The following EPB42 variants were observed in gnomAD, a reference collection of about 807,000 sequenced individuals.
The protein encoded by EPB42 is erythrocyte membrane protein band 4.2.
A neutral mutation model predicts 76.9 loss-of-function variants in EPB42; 49 were observed. That is an observed-to-expected ratio of 0.64 (90% confidence interval 0.51 to 0.81). The LOEUF (loss-of-function observed/expected upper bound fraction) is 0.81. Among genes scored for constraint, EPB42 ranks in the 30% least tolerant of loss-of-function variants. EPB42 has a pLI of 0.00. For synonymous variants in EPB42, 310 were observed against 338.4 expected (o/e 0.92, Z 0.92); for missense variants, 731 against 867.6 (o/e 0.84, Z 1.98).
Position 43,210,419 on chromosome 15 carries a change from G to A in EPB42, c.570C>T (p.Asp190=), listed in dbSNP as rs1266250815. ...DFGQFEGDVI[D]LSLRLLSKDK... Reference sequence around the variant, plus strand: ...CCTTGCTCAGCAAGCGCAGGCTGAGGTCAATGACATCCCCCTCGAACTGTT... The same window carrying A: ...CCTTGCTCAGCAAGCGCAGGCTGAGATCAATGACATCCCCCTCGAACTGTT... The change falls in exon 5 of 13, where the codon GAC becomes GAT. Residue 190 remains aspartate, a synonymous_variant. Coordinates refer to ENST00000441366, the MANE Select transcript of EPB42 (RefSeq NM_001114134.2). 24 of 1,613,800 alleles carry A rather than the reference G, an allele frequency of 1.5e-5. No individual in the cohort carries two copies. The highest frequency in any genetic ancestry group is 2.0e-5 in the Non-Finnish European group (24 of 1,179,960).
upstream of EPB42, chr15:43,221,130 G>C (rs151184697): frequency 3.0e-5 from 13 of 426,682 alleles, no homozygotes; most frequent in African/African-American, 2.2e-4. Flanking sequence ...CTGGGGGAGG[G>C]GGTGGGATGG....
intron 4 of EPB42, among the ~76,000 whole-genome samples, chr15:43,210,692 G>C: frequency 6.6e-6 from 1 of 152,198 alleles, no homozygotes; most frequent in East Asian, 1.9e-4. Context: ...ACTCCCGGTA[G>C]GGTGTGAGCT....
chr15:43,220,079 C>T (rs750373754), intron 1 of EPB42, among the ~76,000 whole-genome samples: 2 of 152,048 alleles, frequency 1.3e-5, no homozygotes, highest in African/African-American at 2.4e-5. Flanking sequence ...AGTTGCCCTC[C>T]GCACACCAGA....
At chr15:43,213,453 AC>A (rs767743702) in intron 3 of EPB42, among the ~76,000 whole-genome samples, 1 of 152,090 alleles carries the variant, frequency 6.6e-6, no homozygotes, top group African/African-American at 2.4e-5. Context: ...AGAGACCTCC[AC>A]CCACACTCAG....
chr15:43,221,135 G>C (rs565289162), upstream of EPB42: 54 of 421,042 alleles, frequency 1.3e-4, no homozygotes, highest in African/African-American at 1.1e-3. Context: ...GGAGGGGGTG[G>C]GATGGGGAAG....
At chr15:43,218,650 A>G (rs2142326675) in intron 1 of EPB42, among the ~76,000 whole-genome samples, 1 of 152,358 alleles carries the variant, frequency 6.6e-6, no homozygotes, top group South Asian at 2.1e-4. Flanking sequence ...TGCTCCGTCA[A>G]TGAATGGATG....
chr15:43,215,391 G>A, intron 2 of EPB42, 63 bp from the exon 3 acceptor site: 1 of 1,539,232 alleles, frequency 6.5e-7, no homozygotes, highest in African/African-American at 1.4e-5. Context: ...GAGTAATAAG[G>A]TCAGGGTATT....
At chr15:43,214,762 A>G (rs1370995761) in intron 3 of EPB42, among the ~76,000 whole-genome samples, 1 of 152,048 alleles carries the variant, frequency 6.6e-6, no homozygotes, top group East Asian at 1.9e-4. Flanking sequence ...GCACTGTTAT[A>G]ATGAAGGGCA....
chr15:43,197,560 C>T, intron 12 of EPB42, 96 bp from the exon 13 acceptor site: 4 of 1,416,148 alleles, frequency 2.8e-6, no homozygotes, highest in South Asian at 2.4e-5. Flanking sequence ...AAGAGGTGGA[C>T]CATGCAGAAA....
In EPB42 at chr15:43,215,938, C is replaced by T. The variant is rs187743636; in HGVS notation, c.196+330G>A. 8.5e-4 allele frequency among the ~76,000 whole-genome samples: 130 copies of T among 152,308 alleles called. 3 individuals carry two copies. Among genetic ancestry groups the T allele is most frequent in the East Asian group, 4.8e-3 (25 of 5,182 alleles). ...AACTCCTGACCTCAGGTAATCCACCCGCCTCGGCCTCCCAAAGCGCTGGGA... is the reference window on the plus strand; with the variant it reads ...AACTCCTGACCTCAGGTAATCCACCTGCCTCGGCCTCCCAAAGCGCTGGGA... On this transcript the variant is annotated intron_variant, in intron 2 of 12. Coordinates refer to ENST00000441366, the MANE Select transcript of EPB42 (RefSeq NM_001114134.2).
chr15:43,213,372 T>C (rs1012031156), intron 3 of EPB42, among the ~76,000 whole-genome samples: 1 of 152,158 alleles, frequency 6.6e-6, no homozygotes, highest in Admixed American at 6.5e-5. Flanking sequence ...GACACTGAGA[T>C]GCCAGGGAAT....
In EPB42 at chr15:43,208,681, A is replaced by G. The variant is rs2042244434; in HGVS notation, c.927T>C (p.Asn309=). 6.2e-7 allele frequency: 1 copy of G among 1,614,058 alleles called. No homozygotes were observed. The highest frequency in any genetic ancestry group is 2.2e-5 in the East Asian group (1 of 44,872). Residue 309 remains asparagine, a synonymous_variant, in exon 7 of 13, where the codon AAT becomes AAC. Coordinates refer to ENST00000441366, the MANE Select transcript of EPB42 (RefSeq NM_001114134.2). ...GGRLLIDEYY[N]EEGLQNGEGQ... is the part of the protein sequence containing the mutation. ...CTTCTCCGTTCTGAAGTCCCTCCTCATTATAGTATTCATCTATGAGAAGAC... is the reference window on the plus strand; with the variant it reads ...CTTCTCCGTTCTGAAGTCCCTCCTCGTTATAGTATTCATCTATGAGAAGAC...
At chr15:43,216,522 T>C in intron 1 of EPB42, 69 bp from the exon 2 acceptor site, 1 of 1,554,048 alleles carries the variant, frequency 6.4e-7, no homozygotes, top group Non-Finnish European at 8.8e-7. Context: ...GCAGAGATTC[T>C]GGAGTCAGAG....
intron 1 of EPB42, among the ~76,000 whole-genome samples, chr15:43,218,873 T>A (rs1370442885): frequency 6.6e-6 from 1 of 152,234 alleles, no homozygotes; most frequent in Non-Finnish European, 1.5e-5. Context: ...GAGGCAATGA[T>A]ACCTTCGTGT....
At chr15:43,211,340 C>T in intron 4 of EPB42, 76 bp downstream of exon 4, 1 of 968,968 alleles carries the variant, frequency 1.0e-6, no homozygotes, top group Non-Finnish European at 1.7e-6. Context: ...TTGGACCTAC[C>T]AGCTCTGTCT....
chr15:43,207,097 G>A (rs2042215636), intron 9 of EPB42, 102 bp downstream of exon 9: 2 of 1,555,844 alleles, frequency 1.3e-6, no homozygotes, highest in South Asian at 2.3e-5. Context: ...ATATGATGCG[G>A]AAAGGACAAG....
upstream of EPB42, among the ~76,000 whole-genome samples, chr15:43,224,776 ATGTT>A (rs1329091936): frequency 6.6e-6 from 1 of 152,124 alleles, no homozygotes; most frequent in African/African-American, 2.4e-5. Context: ...CTTGATTTGT[ATGTT>A]TGTTTATTTG....
chr15:43,204,970 C>CA lies in EPB42; in HGVS notation c.1618+1359_1618+1360insT, dbSNP rs951663972. 5.6e-5 allele frequency among the ~76,000 whole-genome samples: 8 copies of CA among 143,934 alleles called. No individual in the cohort carries two copies. The South Asian group carries it at 9.4e-4, about 17-fold the overall frequency. 94.4% of individuals were successfully genotyped at this position (143,934 alleles called of 152,430 possible). A position where few individuals can be genotyped will look rare whatever the true frequency, so the allele number is the denominator to read the frequency against. Reference sequence around the variant, plus strand: ...TCAGAAGGCTGCCCCCTCCGCCCCCCCCCCAAAAAAAAGTTCCCAAGATGA... The same window carrying CA: ...TCAGAAGGCTGCCCCCTCCGCCCCCCACCCCAAAAAAAAGTTCCCAAGATGA... On this transcript the variant is annotated intron_variant, in intron 10 of 12. Transcript: ENST00000441366.
At chr15:43,197,497 G>T (rs1280325979) in intron 12 of EPB42, 33 bp from the exon 13 acceptor site, 2 of 1,612,610 alleles carry the variant, frequency 1.2e-6, no homozygotes, top group Admixed American at 3.3e-5. Flanking sequence ...TGCTAGTTCT[G>T]TCCCAGGTTC....
Sources: allele counts gnomAD v4.1 joint callset (sites outside exome capture counted in the v4.1 genomes callset), GRCh38; gene constraint gnomAD v4.1.1; transcripts MANE v1.5; gene names NCBI Gene and HGNC (gene_info 2026-07-23, HGNC 2026-07-21).